The following BNC2 variants were observed in gnomAD, a reference collection of about 807,000 sequenced individuals.
The protein encoded by BNC2 is basonuclin zinc finger protein 2.
BNC2 carries 20 observed loss-of-function variants against 76.3 expected under a neutral mutation model. The ratio of observed to expected loss-of-function variants is 0.26; its 90% CI spans 0.18 to 0.38. BNC2 has a LOEUF of 0.38. Among genes scored for constraint, BNC2 ranks in the 10% least tolerant of loss-of-function variants. The pLI, the probability that BNC2 is intolerant of heterozygous loss-of-function variation, is 1.00. For missense variants in BNC2, 1,382 were observed against 1,399.8 expected (o/e 0.99, Z 0.20); for synonymous variants, 582 against 514.8 (o/e 1.13, Z -1.77).
intron 3 of BNC2, among the ~76,000 whole-genome samples, chr9:16,649,435 A>C (rs1019082762): frequency 2.0e-5 from 3 of 152,212 alleles, no homozygotes; most frequent in African/African-American, 7.2e-5. Flanking sequence ...TCTTTCCATA[A>C]GCCTAATGCT....
intron 2 of BNC2, among the ~76,000 whole-genome samples, chr9:16,732,100 G>C (rs957169682): frequency 7.1e-6 from 1 of 141,052 alleles, no homozygotes; most frequent in Non-Finnish European, 1.5e-5. Flanking sequence ...AAATGTTACT[G>C]ATCTTTTCAG....
chr9:16,639,262 A>G (rs1821418183), intron 3 of BNC2, among the ~76,000 whole-genome samples: 2 of 152,208 alleles, frequency 1.3e-5, no homozygotes, highest in African/African-American at 4.8e-5. Context: ...TATTCATAAC[A>G]ATGTTGTTAT....
chr9:16,485,259 A>G (rs536864391), intron 5 of BNC2, among the ~76,000 whole-genome samples: 1 of 152,344 alleles, frequency 6.6e-6, no homozygotes, highest in Non-Finnish European at 1.5e-5. Context: ...TGAATTGGAA[A>G]AAGAAGCCCT....
chr9:16,598,479 A>C (rs1014489012), intron 3 of BNC2, among the ~76,000 whole-genome samples: 3 of 152,232 alleles, frequency 2.0e-5, no homozygotes, highest in African/African-American at 7.2e-5. Flanking sequence ...TCACTGCCTT[A>C]GTCATCCAAC....
At chr9:16,540,791 T>A (rs907448465) in intron 5 of BNC2, among the ~76,000 whole-genome samples, 2 of 152,132 alleles carry the variant, frequency 1.3e-5, no homozygotes, top group African/African-American at 4.8e-5. Context: ...CACTTCATGG[T>A]TTTTCCTTGT....
At chr9:16,501,481 T>G (rs1424964589) in intron 5 of BNC2, among the ~76,000 whole-genome samples, 1 of 152,188 alleles carries the variant, frequency 6.6e-6, no homozygotes, top group African/African-American at 2.4e-5. Context: ...GATGGATGGA[T>G]AGATGGCTGG....
At chr9:16,513,526 C>T (rs12377857) in intron 5 of BNC2, among the ~76,000 whole-genome samples, 29,574 of 151,870 alleles carry the variant, frequency 0.19, 2,976 homozygotes, top group South Asian at 0.32. Flanking sequence ...AGGATGGTCT[C>T]GATTTCCTGA....
At chr9:16,838,004 G>A (rs546841056) in intron 1 of BNC2, among the ~76,000 whole-genome samples, 77 of 152,000 alleles carry the variant, frequency 5.1e-4, no homozygotes, top group African/African-American at 1.7e-3. Flanking sequence ...GTATAAAAAC[G>A]CCAAAAGGAA....
At chr9:16,482,841 C>T (rs1013201305) in intron 5 of BNC2, among the ~76,000 whole-genome samples, 54 of 152,158 alleles carry the variant, frequency 3.5e-4, no homozygotes, top group Non-Finnish European at 5.0e-4. Flanking sequence ...AGTCACTGAA[C>T]CCCTCAGATG....
At chr9:16,507,348 C>A (rs1405529993) in intron 5 of BNC2, among the ~76,000 whole-genome samples, 2 of 150,852 alleles carry the variant, frequency 1.3e-5, no homozygotes, top group African/African-American at 4.9e-5. Context: ...CAGCCTACGC[C>A]TCCTGGGTTC....
chr9:16,489,246 CT>C (rs1822224465), intron 5 of BNC2, among the ~76,000 whole-genome samples: 1 of 152,028 alleles, frequency 6.6e-6, no homozygotes, highest in South Asian at 2.1e-4. Context: ...GGTATTTTAC[CT>C]TTACTGCACA....
chr9:16,539,672 G>C (rs1262309640), intron 5 of BNC2, among the ~76,000 whole-genome samples: 1 of 55,906 alleles, frequency 1.8e-5, no homozygotes, highest in East Asian at 4.4e-4. Context: ...GGGAGGGAGG[G>C]AGGGAGGAAG....
intron 5 of BNC2, among the ~76,000 whole-genome samples, chr9:16,477,223 C>T (rs2131452119): frequency 6.6e-6 from 1 of 152,296 alleles, no homozygotes; most frequent in Non-Finnish European, 1.5e-5. Flanking sequence ...CACTCCACTG[C>T]CCTCCAGCGT....
At chr9:16,646,625 T>C (rs1202020455) in intron 3 of BNC2, among the ~76,000 whole-genome samples, 3 of 152,122 alleles carry the variant, frequency 2.0e-5, no homozygotes, top group Non-Finnish European at 4.4e-5. Flanking sequence ...GGGAACATTA[T>C]GGGGTAAAGA....
At chr9:16,726,760 G>C (rs546140379) in intron 3 of BNC2, 1 of 152,246 alleles carries the variant, frequency 6.6e-6, no homozygotes, top group East Asian at 1.9e-4. Context: ...GTTTGGTGTA[G>C]GCTTTGGAAA....
At chr9:16,594,335 T>C (rs1820009406) in intron 3 of BNC2, among the ~76,000 whole-genome samples, 1 of 152,176 alleles carries the variant, frequency 6.6e-6, no homozygotes, top group Non-Finnish European at 1.5e-5. Context: ...CACCTCATCC[T>C]AAGTCAGTAT....
intron 3 of BNC2, among the ~76,000 whole-genome samples, chr9:16,594,271 A>G (rs2133212428): frequency 6.6e-6 from 1 of 152,280 alleles, no homozygotes; most frequent in Non-Finnish European, 1.5e-5. Context: ...TTGGTGACGA[A>G]GCAAAGATGT....
At position 16,419,628 on chromosome 9, in the gene BNC2, T is replaced by C. The variant is rs1209225809; in HGVS notation, c.2661A>G (p.Leu887=). The C allele has an allele frequency of 7.2e-6, 10 of 1,394,878 alleles. No individual in the cohort carries two copies. Among genetic ancestry groups the C allele is most frequent in the African/African-American group, 3.3e-5 (2 of 61,090 alleles). The allele number at this position is 1,394,878 out of a possible 1,614,324, so 86.4% of individuals were successfully genotyped here. A position where few individuals can be genotyped will look rare whatever the true frequency, so the allele number is the denominator to read the frequency against. ...SRDRHSANIN[L]HRKLLTKELD... is the part of the protein sequence containing the mutation. ...GTTCTTTGGTCAACAGTTTACGATG[T>C]AGGTTTATGTTGGCACTGTGTCTAG... is the stretch of plus-strand genomic sequence containing the variant. Residue 887 remains leucine (L), a synonymous_variant, in exon 7 of 7, where the codon CTA becomes CTG. Transcript: ENST00000380672.
At chr9:16,559,266 A>ATT (rs112862960) in intron 4 of BNC2, among the ~76,000 whole-genome samples, 6 of 151,318 alleles carry the variant, frequency 4.0e-5, no homozygotes, top group African/African-American at 1.5e-4. Context: ...CTTAAATGAG[A>ATT]TTTTTTTTTG....
Sources: gnomAD v4.1 joint callset for allele counts (sites outside exome capture counted in the v4.1 genomes callset) on GRCh38, gnomAD v4.1.1 for gene constraint, MANE v1.5 for transcripts, NCBI Gene and HGNC (gene_info 2026-07-23, HGNC 2026-07-21) for gene names.